The following VPS13A variants were observed in gnomAD, a reference collection of about 807,000 sequenced individuals.
VPS13A encodes the protein intermembrane lipid transfer protein VPS13A.
A neutral mutation model predicts 390.9 loss-of-function variants in VPS13A; 264 were observed. The observed-to-expected ratio is 0.68, with a 90% CI of 0.61 to 0.75. The LOEUF is 0.75. VPS13A is among the 30% of genes least tolerant of loss of function. VPS13A has a pLI of 0.00. For synonymous variants in VPS13A, 1,231 were observed against 1,227.1 expected, an observed-to-expected ratio of 1.00 and a Z score of -0.07; for missense variants, 3,409 against 3,733.9, an observed-to-expected ratio of 0.91 and a Z score of 2.27.
chr9:77,382,662 A>T, intron 68 of VPS13A: 1 of 998,712 alleles, frequency 1.0e-6, no homozygotes, highest in Non-Finnish European at 1.2e-6. Flanking sequence ...GAACACTGCT[A>T]TTGTGAATTA....
At chr9:77,274,647 A>G (rs1301048097) in intron 24 of VPS13A, among the ~76,000 whole-genome samples, 1 of 152,088 alleles carries the variant, frequency 6.6e-6, no homozygotes, top group Non-Finnish European at 1.5e-5. Flanking sequence ...ATAAAAATAT[A>G]TAACTATTCT....
chr9:77,324,946 C>T (rs1286270352), intron 45 of VPS13A, among the ~76,000 whole-genome samples: 1 of 152,024 alleles, frequency 6.6e-6, no homozygotes, highest in African/African-American at 2.4e-5. Context: ...ACAATTTTTC[C>T]ACGGGTGGGG....
In VPS13A at chr9:77,221,356, G is replaced by A. The variant is rs767444995; in HGVS notation, c.1161G>A (p.Glu387=). Residue 387 remains glutamate, a splice_region_variant and synonymous_variant, in exon 13 of 72, where the codon GAG becomes GAA. Coordinates refer to ENST00000360280, the MANE Select transcript of VPS13A (RefSeq NM_033305.3). ...CTGGTGAACTTCTCGTGTCTTTGGA[G>A]GTTAGCATTTAAAATGAAATTGTTG... is the stretch of plus-strand genomic sequence containing the variant. ...KPPGELLVSL[E]ELEKTLDVFN... 1.2e-6 allele frequency: 2 copies of A among 1,612,164 alleles called. No individual in the cohort carries two copies. Among genetic ancestry groups the A allele is most frequent in the East Asian group, 4.5e-5 (2 of 44,816 alleles).
chr9:77,387,269 A>C (rs1256713526), intron 68 of VPS13A, among the ~76,000 whole-genome samples: 1 of 152,218 alleles, frequency 6.6e-6, no homozygotes, highest in African/African-American at 2.4e-5. Flanking sequence ...GGATTTTAAT[A>C]AGATGAACTC....
At chr9:77,180,821 CT>C (rs1488524004) in intron 1 of VPS13A, among the ~76,000 whole-genome samples, 1 of 152,282 alleles carries the variant, frequency 6.6e-6, no homozygotes, top group African/African-American at 2.4e-5. Context: ...ATAACTGTGT[CT>C]TTGTAGTTAG....
rs913576765 is a variant in VPS13A at position 77,340,246 on chromosome 9, A to G, written c.6843A>G (p.Gly2281=). The change falls in exon 49 of 72, where the codon GGA becomes GGG. Residue 2281 remains glycine (G), a synonymous_variant. Coordinates refer to ENST00000360280, the MANE Select transcript of VPS13A (RefSeq NM_033305.3). ...QFSIDTVGSH[G]AVKCKGLKMD... is the part of the protein sequence containing the mutation. ...CAATTGATACTGTTGGTAGTCATGGAGCTGTTAAATGTAAAGGCCTGAAAA... is the reference window on the plus strand; with the variant it reads ...CAATTGATACTGTTGGTAGTCATGGGGCTGTTAAATGTAAAGGCCTGAAAA... 3 of 1,613,206 alleles carry G rather than the reference A, an allele frequency of 1.9e-6. No homozygotes were observed. In the African/African-American group the frequency reaches 4.0e-5, roughly 22 times the overall value.
intron 1 of VPS13A, 196 bp downstream of exon 1, chr9:77,178,000 T>C: frequency 3.5e-6 from 2 of 573,066 alleles, no homozygotes; most frequent in South Asian, 4.0e-5. Flanking sequence ...TTGTTTATAT[T>C]TTGGGGGAAA....
intron 68 of VPS13A, chr9:77,384,574 C>T (rs1465691244): frequency 1.2e-6 from 2 of 1,611,300 alleles, no homozygotes; most frequent in East Asian, 4.5e-5. Context: ...TTTCCTTTGC[C>T]ATGCTTACAG....
In VPS13A at chr9:77,322,236, T is replaced by C. The variant is rs79098353; in HGVS notation, c.5830+490T>C. 1.2e-3 allele frequency among the ~76,000 whole-genome samples: 189 copies of C among 152,002 alleles called. 2 individuals carry two copies. In the East Asian group the frequency reaches 0.033, roughly 27 times the overall value. ...GTTCTGCCTGTTGAGATGAAGGTTT[T>C]TTCCTTTGTCTTTTCTGCTTCCCAA... On this transcript the variant is annotated intron_variant, in intron 44 of 71. Transcript: ENST00000360280.
chr9:77,331,105 T>C (rs1182129451), intron 45 of VPS13A, among the ~76,000 whole-genome samples: 2 of 151,202 alleles, frequency 1.3e-5, no homozygotes, highest in Admixed American at 6.6e-5. Flanking sequence ...TTTCTTATTT[T>C]TCTATTATTG....
At chr9:77,391,094 C>T (rs533863242) in intron 68 of VPS13A, among the ~76,000 whole-genome samples, 3 of 148,552 alleles carry the variant, frequency 2.0e-5, no homozygotes, top group South Asian at 2.2e-4. Context: ...TAAGTATTAG[C>T]TAGAAGGTCT....
chr9:77,178,535 A>G (rs1823799662), intron 1 of VPS13A, among the ~76,000 whole-genome samples: 1 of 152,200 alleles, frequency 6.6e-6, no homozygotes, highest in African/African-American at 2.4e-5. Context: ...GTCAGAGTGA[A>G]TTGCCGAATT....
At position 77,287,219 on chromosome 9, in the gene VPS13A, T is replaced by C. The variant is rs1358197848; in HGVS notation, c.3339+3569T>C. 5.5e-5 allele frequency among the ~76,000 whole-genome samples: 8 copies of C among 146,628 alleles called. No individual in the cohort carries two copies. The Admixed American group carries it at 5.5e-4, about 10-fold the overall frequency. Reference sequence around the variant, plus strand: ...TATAATAATATATTTTATATATACATAAAATTCTCTCTCTCTCTCTCTCTC... The same window carrying C: ...TATAATAATATATTTTATATATACACAAAATTCTCTCTCTCTCTCTCTCTC... On this transcript the variant is annotated intron_variant, in intron 31 of 71. Transcript: ENST00000360280.
intron 71 of VPS13A, among the ~76,000 whole-genome samples, chr9:77,413,803 G>C (rs1266179383): frequency 6.6e-6 from 1 of 152,146 alleles, no homozygotes; most frequent in African/African-American, 2.4e-5. Context: ...AGATTGAACA[G>C]GCAACCTACA....
Position 77,365,488 on chromosome 9 carries a change from C to T in VPS13A, c.8240C>T (p.Ala2747Val), listed in dbSNP as rs1378759790. 3 of 1,611,400 alleles carry T rather than the reference C, an allele frequency of 1.9e-6. No homozygotes were observed. Among genetic ancestry groups the T allele is most frequent in the East Asian group, 4.5e-5 (2 of 44,688 alleles). The part of the protein sequence containing the change: ...EVELFHKDIE[A>V]FKEEYKTASL... ...GAGCTTTTTCATAAAGATATAGAAGCTTTCAAAGAAGAATATAAAACAGCC... is the reference window on the plus strand; with the variant it reads ...GAGCTTTTTCATAAAGATATAGAAGTTTTCAAAGAAGAATATAAAACAGCC... The change falls in exon 60 of 72, where the codon GCT (alanine) becomes GTT (valine). Residue 2747 changes from alanine (A) to valine (V), a missense_variant. By Grantham distance (64) the Ala-to-Val change is moderately conservative (BLOSUM62 0). Around this residue, in one of 5 missense-constraint regions of VPS13A, gnomAD observed 123 missense variants for 118.7 expected, o/e 1.04. Coordinates refer to ENST00000360280, the MANE Select transcript of VPS13A (RefSeq NM_033305.3).
chr9:77,408,366 G>A (rs564184956), intron 71 of VPS13A, among the ~76,000 whole-genome samples: 64 of 152,320 alleles, frequency 4.2e-4, no homozygotes, highest in East Asian at 3.3e-3. Flanking sequence ...TAGTGTGAGC[G>A]ACACAGAAGA....
Position 77,421,222 on chromosome 9 carries a change from C to T in VPS13A, c.*5216C>T, listed in dbSNP as rs1835329382. The T allele has an allele frequency of 6.6e-6, 1 of 152,202 alleles. No homozygotes were observed. The highest frequency in any genetic ancestry group is 1.5e-5 in the Non-Finnish European group (1 of 68,034). The allele number at this position is 152,202 out of a possible 1,614,324, so 9.4% of individuals were successfully genotyped here. A position where few individuals can be genotyped will look rare whatever the true frequency, so the allele number is the denominator to read the frequency against. Reference sequence around the variant, plus strand: ...AAAAATATCTATTTCTGCATCGCTGCAGGATTTCCTACACTTTTCTGTTCC... The same window carrying T: ...AAAAATATCTATTTCTGCATCGCTGTAGGATTTCCTACACTTTTCTGTTCC... On this transcript the variant is annotated 3_prime_UTR_variant, in exon 72 of 72. Coordinates refer to ENST00000360280, the MANE Select transcript of VPS13A (RefSeq NM_033305.3).
At chr9:77,263,201 G>A (rs1428637248) in intron 23 of VPS13A, among the ~76,000 whole-genome samples, 1 of 151,884 alleles carries the variant, frequency 6.6e-6, no homozygotes, top group South Asian at 2.1e-4. Context: ...CCACCTCCTG[G>A]GTTCACGCCA....
intron 68 of VPS13A, among the ~76,000 whole-genome samples, chr9:77,401,328 G>GT (rs398046580): frequency 1.1e-5 from 1 of 95,166 alleles, no homozygotes; most frequent in African/African-American, 4.3e-5. Flanking sequence ...ATCACATGAA[G>GT]TTGTGTGTGT....
Sources: gnomAD v4.1 joint callset for allele counts (sites outside exome capture counted in the v4.1 genomes callset) on GRCh38, gnomAD v4.1.1 for gene constraint, gnomAD v4.1.1 regional missense constraint, MANE v1.5 for transcripts, NCBI Gene and HGNC (gene_info 2026-07-23, HGNC 2026-07-21) for gene names.